The following GNL2 variants were observed in gnomAD, a reference collection of about 807,000 sequenced individuals.
GNL2 encodes G protein nucleolar 2.
In GNL2, 51 loss-of-function variants were observed where a neutral mutation model predicts 92.3. The observed-to-expected ratio is 0.55, with a 90% CI of 0.44 to 0.70. GNL2 has a LOEUF of 0.70. Ranked by LOEUF, GNL2 falls within the 30% of genes least tolerant of loss-of-function variation. The pLI, the probability that GNL2 is intolerant of heterozygous loss-of-function variation, is 0.00. For synonymous variants in GNL2, 283 were observed against 300.6 expected (o/e 0.94, Z 0.61); for missense variants, 844 against 895.6 (o/e 0.94, Z 0.74).
chr1:37,576,417 G>T lies in GNL2; in HGVS notation c.1038+11C>A. ...ATATGCAAAAGTAAGGTCACCCTGC[G>T]CCCAACGTACCTTTGTTTCACCTGC... On this transcript the variant is annotated intron_variant, in intron 9 of 15. Coordinates refer to ENST00000373062, the MANE Select transcript of GNL2 (RefSeq NM_013285.3). 1 of 1,611,638 alleles carries T rather than the reference G, an allele frequency of 6.2e-7. No individual in the cohort carries two copies. Among genetic ancestry groups the T allele is most frequent in the Non-Finnish European group, 8.5e-7 (1 of 1,178,594 alleles).
At chr1:37,567,181 T>C (rs1468933512) in intron 15 of GNL2, among the ~76,000 whole-genome samples, 174 bp from the exon 16 acceptor site, 1 of 152,192 alleles carries the variant, frequency 6.6e-6, no homozygotes, top group African/African-American at 2.4e-5. Flanking sequence ...AGGTTACTCT[T>C]CCATTGTGAC....
At chr1:37,567,105 T>C in intron 15 of GNL2, 98 bp from the exon 16 acceptor site, 2 of 1,265,188 alleles carry the variant, frequency 1.6e-6, no homozygotes, top group Non-Finnish European at 2.2e-6. Flanking sequence ...CTGTGTTCTA[T>C]TTCCCGTGCT....
chr1:37,582,114 C>G (rs1643779590), intron 8 of GNL2, 109 bp downstream of exon 8: 2 of 666,084 alleles, frequency 3.0e-6, no homozygotes, highest in Non-Finnish European at 5.2e-6. Flanking sequence ...ACCTGCGCAA[C>G]CACGTCCGGC....
At position 37,595,730 on chromosome 1, in the gene GNL2, C is replaced by T. The variant is rs373140528; in HGVS notation, c.64+29G>A. The T allele has an allele frequency of 1.9e-6, 3 of 1,604,808 alleles. No homozygotes were observed. The African/African-American group carries it at 4.0e-5, about 21-fold the overall frequency. On this transcript the variant is annotated intron_variant, in intron 1 of 15. Coordinates refer to ENST00000373062, the MANE Select transcript of GNL2 (RefSeq NM_013285.3). ...CCCTTCCCTATACTTCCTCCAAGCT[C>T]CACCCTCGATCAGCCCTGCCGCCTG... is the stretch of plus-strand genomic sequence containing the variant.
intron 4 of GNL2, among the ~76,000 whole-genome samples, chr1:37,589,473 T>G (rs1570071841): frequency 6.6e-6 from 1 of 151,804 alleles, no homozygotes; most frequent in Admixed American, 6.6e-5. Flanking sequence ...CCCGGCTAAT[T>G]TTTTTTTGTA....
intron 8 of GNL2, chr1:37,581,629 G>T: frequency 5.0e-6 from 2 of 401,960 alleles, no homozygotes; most frequent in East Asian, 1.5e-4. Flanking sequence ...TTATAATCCT[G>T]ATGCTCTGTG....
intron 4 of GNL2, among the ~76,000 whole-genome samples, chr1:37,588,539 G>A (rs56365156): frequency 0.027 from 4,186 of 152,284 alleles, 74 homozygotes; most frequent in Middle Eastern, 0.045. Flanking sequence ...AGGGTCTAAT[G>A]TCACTGGGTA....
intron 4 of GNL2, among the ~76,000 whole-genome samples, chr1:37,588,120 A>C (rs759876209): frequency 6.6e-6 from 1 of 152,190 alleles, no homozygotes. Context: ...AACATCTAGC[A>C]AAAGTCCAAA....
chr1:37,572,782 C>T (rs571519371), intron 12 of GNL2, among the ~76,000 whole-genome samples: 13 of 152,214 alleles, frequency 8.5e-5, no homozygotes, highest in Admixed American at 2.0e-4. Context: ...TGTAGTTAGC[C>T]GGGCGTAAGT....
intron 12 of GNL2, among the ~76,000 whole-genome samples, chr1:37,571,674 T>C (rs1286827134): frequency 6.6e-6 from 1 of 152,220 alleles, no homozygotes; most frequent in Non-Finnish European, 1.5e-5. Flanking sequence ...TTAAACTTCT[T>C]TCTCTGCTGC....
intron 4 of GNL2, among the ~76,000 whole-genome samples, chr1:37,587,774 T>C (rs1229528323): frequency 1.3e-5 from 2 of 152,208 alleles, no homozygotes; most frequent in African/African-American, 4.8e-5. Context: ...GTACAAAAAC[T>C]TGCCAAAAAC....
At chr1:37,572,488 T>C (rs1215097418) in intron 12 of GNL2, among the ~76,000 whole-genome samples, 4 of 152,134 alleles carry the variant, frequency 2.6e-5, no homozygotes, top group African/African-American at 9.7e-5. Flanking sequence ...AAATTGAGTC[T>C]ATCACCAACT....
intron 4 of GNL2, 116 bp downstream of exon 4, chr1:37,590,589 CA>C: frequency 1.2e-6 from 1 of 809,288 alleles, no homozygotes; most frequent in South Asian, 1.5e-5. Context: ...GAAAGTTCAT[CA>C]TTGCTACATT....
rs768862702 is a variant in GNL2 at position 37,574,670 on chromosome 1, G to GT, written c.1296dup (p.Leu433ThrfsTer13). The GT allele has an allele frequency of 6.2e-7, 1 of 1,613,684 alleles. No individual in the cohort carries two copies. The highest frequency in any genetic ancestry group is 1.1e-5 in the South Asian group (1 of 91,066). ...TCTCACAAACGCCGGGTCACCTTTA[G>GT]TAACTTCCCAGTCCGGAAAGCGAGC... is the stretch of plus-strand genomic sequence containing the variant. On this transcript the variant is annotated frameshift_variant, in exon 11 of 16. Transcript: ENST00000373062. LOFTEE classifies it high-confidence loss of function.
At chr1:37,573,135 T>C (rs1444163540) in intron 12 of GNL2, among the ~76,000 whole-genome samples, 1 of 152,130 alleles carries the variant, frequency 6.6e-6, no homozygotes, top group Non-Finnish European at 1.5e-5. Context: ...GCAATACACA[T>C]GAAGAGGGAG....
At chr1:37,572,985 G>A (rs544411322) in intron 12 of GNL2, among the ~76,000 whole-genome samples, 5 of 152,158 alleles carry the variant, frequency 3.3e-5, no homozygotes, top group African/African-American at 1.2e-4. Flanking sequence ...CTCCCCTGCT[G>A]GAATATATGT....
Position 37,591,515 on chromosome 1 carries a change from T to C in GNL2, c.245-670A>G, listed in dbSNP as rs569224745. Among the ~76,000 whole-genome samples, 331 of 150,096 alleles carry C rather than the reference T, an allele frequency of 2.2e-3. 3 individuals are homozygous for C. Among genetic ancestry groups the C allele is most frequent in the Admixed American group, 4.4e-3 (67 of 15,148 alleles). ...TATATATATTTACTCTTTTTTTTTT[T>C]TTTTTTTTGAGATGGAGTCTCACTC... On this transcript the variant is annotated intron_variant, in intron 3 of 15. Transcript: ENST00000373062.
chr1:37,575,683 G>A lies in GNL2; in HGVS notation c.1055C>T (p.Thr352Ile). The change falls in exon 10 of 16, where the codon ACT becomes ATT. Residue 352 changes from threonine (T) to isoleucine (I), a missense_variant. By Grantham distance (89) the Thr-to-Ile change is moderately conservative (BLOSUM62 -1). Coordinates refer to ENST00000373062, the MANE Select transcript of GNL2 (RefSeq NM_013285.3). The surrounding 1 kb of genome is among the most constrained non-coding windows in gnomAD (Gnocchi z 4.1). ...AGETKVWQYITLMRRIFLIDC... is the reference protein window; with the variant it reads ...AGETKVWQYIILMRRIFLIDC... Reference sequence around the variant, plus strand: ...AATCAGGAATATCCGACGCATCAAAGTAATATACTGCCAGACCTGAAGTCA... The same window carrying A: ...AATCAGGAATATCCGACGCATCAAAATAATATACTGCCAGACCTGAAGTCA... 2 of 1,598,576 alleles carry A rather than the reference G, an allele frequency of 1.3e-6. No individual in the cohort carries two copies. The highest frequency in any genetic ancestry group is 8.5e-7 in the Non-Finnish European group (1 of 1,174,092).
chr1:37,581,442 G>A (rs1406152848), intron 8 of GNL2: 2 of 456,004 alleles, frequency 4.4e-6, no homozygotes, highest in South Asian at 3.1e-5. Flanking sequence ...TTTTGGCAGG[G>A]CCCTCTCCAA....
Sources: allele counts gnomAD v4.1 joint callset (sites outside exome capture counted in the v4.1 genomes callset), GRCh38; gene constraint gnomAD v4.1.1; non-coding constraint Gnocchi (gnomAD v3.1); transcripts MANE v1.5; gene names NCBI Gene and HGNC (gene_info 2026-07-23, HGNC 2026-07-21).